DCC: variants seen among roughly 807,000 people sequenced by gnomAD.
DCC encodes DCC netrin 1 receptor, also known as netrin receptor DCC.
A neutral mutation model predicts 172.5 loss-of-function variants in DCC; 58 were observed. The observed-to-expected ratio is 0.34, with a 90% CI of 0.27 to 0.42. The LOEUF (loss-of-function observed/expected upper bound fraction) is 0.42. DCC is among the 10% of genes least tolerant of loss of function. DCC has a pLI of 1.00. For missense variants in DCC, 1,740 were observed against 1,791.0 expected (o/e 0.97, Z 0.51); for synonymous variants, 709 against 644.5 (o/e 1.10, Z -1.52).
intron 1 of DCC, among the ~76,000 whole-genome samples, chr18:52,599,963 C>T (rs1397140038): frequency 6.6e-6 from 1 of 152,134 alleles, no homozygotes; most frequent in Non-Finnish European, 1.5e-5. Flanking sequence ...CCATGCCATC[C>T]CCTTTCTATG....
chr18:53,430,926 A>G (rs947764430), intron 21 of DCC, among the ~76,000 whole-genome samples: 5 of 152,130 alleles, frequency 3.3e-5, no homozygotes, highest in African/African-American at 1.2e-4. Flanking sequence ...AGCATATGGT[A>G]TGTGCCAAAA....
intron 5 of DCC, among the ~76,000 whole-genome samples, chr18:52,994,388 G>A (rs1020541873): frequency 3.9e-5 from 6 of 152,086 alleles, no homozygotes; most frequent in Admixed American, 3.3e-4. Flanking sequence ...GATTTCCTGA[G>A]AATAGAAAGT....
intron 15 of DCC, among the ~76,000 whole-genome samples, chr18:53,351,869 A>G (rs1252231409): frequency 6.6e-6 from 1 of 151,920 alleles, no homozygotes; most frequent in Non-Finnish European, 1.5e-5. Context: ...CCCCCTCACT[A>G]TGTCAGGTAT....
At chr18:52,883,060 AG>A (rs1280937494) in intron 2 of DCC, among the ~76,000 whole-genome samples, 2 of 152,108 alleles carry the variant, frequency 1.3e-5, no homozygotes, top group African/African-American at 2.4e-5. Flanking sequence ...GTCTAATACA[AG>A]TATAGCTACT....
chr18:52,929,121 G>A (rs1055751553), intron 5 of DCC, among the ~76,000 whole-genome samples: 1 of 152,034 alleles, frequency 6.6e-6, no homozygotes, highest in Non-Finnish European at 1.5e-5. Flanking sequence ...GCCTCTCTAG[G>A]GAAGAAAATA....
chr18:53,438,002 G>C (rs10502977), intron 22 of DCC, among the ~76,000 whole-genome samples: 65,887 of 152,058 alleles, frequency 0.43, 16,186 homozygotes, highest in Non-Finnish European at 0.57. Flanking sequence ...AAAAAAGGAA[G>C]TTGCTGAAAT....
At chr18:52,412,189 T>C (rs911110445) in intron 1 of DCC, among the ~76,000 whole-genome samples, 12 of 152,118 alleles carry the variant, frequency 7.9e-5, no homozygotes, top group African/African-American at 2.2e-4. Context: ...TTTACACATA[T>C]GTGAGTGTAT....
At chr18:52,353,408 A>C (rs1443569) in intron 1 of DCC, among the ~76,000 whole-genome samples, 2 of 152,080 alleles carry the variant, frequency 1.3e-5, no homozygotes, top group African/African-American at 4.8e-5. Flanking sequence ...AAAGGGACAC[A>C]GAGGCCCTGG....
chr18:52,570,930 T>A (rs1383985159), intron 1 of DCC, among the ~76,000 whole-genome samples: 1 of 152,218 alleles, frequency 6.6e-6, no homozygotes, highest in Non-Finnish European at 1.5e-5. Flanking sequence ...TCTAGCTGGC[T>A]GTGTCATGCT....
chr18:53,105,641 A>G (rs1028484187), intron 7 of DCC, among the ~76,000 whole-genome samples: 1 of 151,938 alleles, frequency 6.6e-6, no homozygotes, highest in Non-Finnish European at 1.5e-5. Context: ...CTTCATTAAC[A>G]CCATGACGAG....
chr18:53,167,539 C>A (rs151124658), intron 8 of DCC, among the ~76,000 whole-genome samples: 89 of 152,204 alleles, frequency 5.8e-4, no homozygotes, highest in African/African-American at 2.0e-3. Flanking sequence ...CTAGGCATTT[C>A]TAAGGTCACA....
At chr18:52,341,010 C>T in intron 1 of DCC, 132 bp downstream of exon 1, 1 of 779,446 alleles carries the variant, frequency 1.3e-6, no homozygotes. Flanking sequence ...CCCCCATTTG[C>T]GCACCGATGA....
intron 1 of DCC, among the ~76,000 whole-genome samples, chr18:52,374,144 G>T (rs948663120): frequency 6.6e-6 from 1 of 151,650 alleles, no homozygotes; most frequent in Non-Finnish European, 1.5e-5. Context: ...TGCCTGCCTC[G>T]GCCTCCCAAA....
chr18:52,424,732 G>A lies in DCC; in HGVS notation c.91+83854G>A, dbSNP rs142258860. On this transcript the variant is annotated intron_variant, in intron 1 of 28. Coordinates refer to ENST00000442544, the MANE Select transcript of DCC (RefSeq NM_005215.4). ...GAGTTACCTCTGCCAGTTCACAATG[G>A]GAGAACTGATGGTTGGGGAAATTGG... is the stretch of plus-strand genomic sequence containing the variant. 3.0e-3 allele frequency among the ~76,000 whole-genome samples: 457 copies of A among 152,172 alleles called. 4 individuals carry two copies. Among genetic ancestry groups the A allele is most frequent in the South Asian group, 0.013 (63 of 4,822 alleles).
intron 17 of DCC, among the ~76,000 whole-genome samples, chr18:53,396,331 C>G (rs1908941963): frequency 6.6e-6 from 1 of 152,108 alleles, no homozygotes; most frequent in Non-Finnish European, 1.5e-5. Flanking sequence ...GGAAAATATA[C>G]TTTAATGGAT....
chr18:52,394,601 C>T (rs114619274), intron 1 of DCC, among the ~76,000 whole-genome samples: 161 of 152,064 alleles, frequency 1.1e-3, no homozygotes, highest in African/African-American at 3.8e-3. Flanking sequence ...ATTTTCCTTG[C>T]TGCTTCCAAT....
intron 1 of DCC, among the ~76,000 whole-genome samples, chr18:52,624,907 GA>G (rs1378426551): frequency 1.3e-5 from 2 of 152,136 alleles, no homozygotes; most frequent in Non-Finnish European, 2.9e-5. Flanking sequence ...AGTTGCCTAT[GA>G]ATGGGGATAC....
intron 24 of DCC, among the ~76,000 whole-genome samples, chr18:53,463,144 C>T (rs970511356): frequency 6.6e-6 from 1 of 152,184 alleles, no homozygotes; most frequent in Non-Finnish European, 1.5e-5. Flanking sequence ...GCACCTCCAC[C>T]TCCCACTGAA....
intron 14 of DCC, among the ~76,000 whole-genome samples, chr18:53,332,124 T>C (rs1426694971): frequency 1.3e-5 from 2 of 152,130 alleles, no homozygotes; most frequent in Admixed American, 6.6e-5. Flanking sequence ...TGGCTTAGAT[T>C]TAGGAGACAC....
Sources: allele counts gnomAD v4.1 joint callset (sites outside exome capture counted in the v4.1 genomes callset), GRCh38; gene constraint gnomAD v4.1.1; transcripts MANE v1.5; gene names NCBI Gene and HGNC (gene_info 2026-07-23, HGNC 2026-07-21).